ZYG11A: variants seen among roughly 807,000 people sequenced by gnomAD.
The protein encoded by ZYG11A is protein zyg-11 homolog A.
Under a neutral mutation model 77.2 loss-of-function variants are expected in ZYG11A, and 62 were observed. That is an observed-to-expected ratio of 0.80 (90% CI 0.65 to 0.99). ZYG11A has a LOEUF of 0.99. ZYG11A is among the 50% of genes least tolerant of loss of function. The pLI is 0.00. For synonymous variants in ZYG11A, 315 were observed against 324.6 expected, an observed-to-expected ratio of 0.97 and a Z score of 0.32; for missense variants, 828 against 896.8, an observed-to-expected ratio of 0.92 and a Z score of 0.98.
chr1:52,870,137 T>C (rs12745687), intron 8 of ZYG11A, among the ~76,000 whole-genome samples: 2 of 140,258 alleles, frequency 1.4e-5, no homozygotes, highest in South Asian at 2.4e-4. Context: ...TCCCCACATC[T>C]CAGACGATGG....
Position 52,885,768 on chromosome 1 carries a change from G to A in ZYG11A, c.1945-65G>A, listed in dbSNP as rs2150021426. 2.4e-6 allele frequency: 3 copies of A among 1,272,818 alleles called. No individual in the cohort carries two copies. In the South Asian group the frequency reaches 4.2e-5, roughly 18 times the overall value. The allele number at this position is 1,272,818 out of a possible 1,614,324, so 78.8% of individuals were successfully genotyped here. ...ATTTGTTCAATCGTTCCCAGATTTT[G>A]AAACATTTTGTTGTAAATGATGGAT... is the stretch of plus-strand genomic sequence containing the variant. On this transcript the variant is annotated intron_variant, in intron 11 of 13. Coordinates refer to ENST00000371528, the MANE Select transcript of ZYG11A (RefSeq NM_001004339.3).
chr1:52,867,355 G>C (rs1557442826), intron 6 of ZYG11A, among the ~76,000 whole-genome samples, 184 bp from the exon 7 acceptor site: 1 of 152,018 alleles, frequency 6.6e-6, no homozygotes, highest in Non-Finnish European at 1.5e-5. Context: ...GTTCTTATTT[G>C]CATACTCTCC....
At position 52,892,987 on chromosome 1, in the gene ZYG11A, T is replaced by C. The variant is rs577852187; in HGVS notation, c.*30T>C. 1 of 1,539,238 alleles carries C rather than the reference T, an allele frequency of 6.5e-7. No individual in the cohort carries two copies. The highest frequency in any genetic ancestry group is 1.2e-5 in the South Asian group (1 of 83,284). On this transcript the variant is annotated 3_prime_UTR_variant, in exon 14 of 14. Transcript: ENST00000371528. Reference sequence around the variant, plus strand: ...AAGGAATTTCAGAGGTGTGTGCTCTTCCTCAATGTCAGGTGTTCTGCCCTG... The same window carrying C: ...AAGGAATTTCAGAGGTGTGTGCTCTCCCTCAATGTCAGGTGTTCTGCCCTG...
At chr1:52,856,977 T>C (rs1488233457) in intron 2 of ZYG11A, 21 bp from the exon 3 acceptor site, 2 of 1,504,494 alleles carry the variant, frequency 1.3e-6, no homozygotes, top group Non-Finnish European at 1.8e-6. Context: ...TCATTACAAG[T>C]TGGTTCTGGT....
chr1:52,874,462 G>A (rs901657244), intron 8 of ZYG11A, among the ~76,000 whole-genome samples: 8 of 151,710 alleles, frequency 5.3e-5, no homozygotes, highest in African/African-American at 1.9e-4. Flanking sequence ...GTGTCACTCA[G>A]GTTGGTCTCG....
intron 1 of ZYG11A, among the ~76,000 whole-genome samples, chr1:52,847,470 G>T (rs1645612571): frequency 6.6e-6 from 1 of 151,220 alleles, no homozygotes; most frequent in Non-Finnish European, 1.5e-5. Context: ...AAAGTGCTAG[G>T]ATTACAGGCA....
chr1:52,880,130 C>G (rs1272768212), intron 10 of ZYG11A, among the ~76,000 whole-genome samples: 2 of 136,876 alleles, frequency 1.5e-5, no homozygotes, highest in Non-Finnish European at 3.1e-5. Flanking sequence ...AATCTTGGGA[C>G]TCACCTGTGG....
At chr1:52,861,260 C>T (rs558799623) in intron 4 of ZYG11A, among the ~76,000 whole-genome samples, 6 of 151,982 alleles carry the variant, frequency 3.9e-5, no homozygotes, top group Non-Finnish European at 5.9e-5. Flanking sequence ...GGGAAGGATG[C>T]GTTTTATTGT....
intron 2 of ZYG11A, among the ~76,000 whole-genome samples, 173 bp downstream of exon 2, chr1:52,854,803 C>T (rs990493185): frequency 2.6e-5 from 4 of 152,042 alleles, no homozygotes; most frequent in African/African-American, 9.7e-5. Flanking sequence ...TAGGCTAGCC[C>T]TGCTATTGAC....
intron 8 of ZYG11A, among the ~76,000 whole-genome samples, chr1:52,874,742 C>T (rs1646232756): frequency 6.6e-6 from 1 of 152,056 alleles, no homozygotes; most frequent in African/African-American, 2.4e-5. Flanking sequence ...TGGCACGAGC[C>T]TGTAATCTCA....
intron 8 of ZYG11A, among the ~76,000 whole-genome samples, chr1:52,876,087 A>AAAG (rs1329992074): frequency 6.6e-6 from 1 of 151,624 alleles, no homozygotes; most frequent in East Asian, 2.0e-4. Flanking sequence ...TCTCAATGAA[A>AAAG]AAGATGAAAT....
At chr1:52,874,411 A>G (rs1646226473) in intron 8 of ZYG11A, among the ~76,000 whole-genome samples, 1 of 151,270 alleles carries the variant, frequency 6.6e-6, no homozygotes, top group Admixed American at 6.6e-5. Flanking sequence ...CACCCAGATA[A>G]TTTTTTACAT....
intron 4 of ZYG11A, among the ~76,000 whole-genome samples, chr1:52,862,492 T>G (rs58045449): frequency 0.017 from 2,550 of 151,588 alleles, 80 homozygotes; most frequent in African/African-American, 0.057. Context: ...TTTGTATTTT[T>G]TAGTAGAGAT....
Position 52,893,348 on chromosome 1 carries a change from T to C in ZYG11A, c.*391T>C, listed in dbSNP as rs1255914733. ...GGGAGACTTTGATATTTATATTAAATTTCCTTTGTTGTTATCGTCATGTGA... is the reference window on the plus strand; with the variant it reads ...GGGAGACTTTGATATTTATATTAAACTTCCTTTGTTGTTATCGTCATGTGA... On this transcript the variant is annotated 3_prime_UTR_variant, in exon 14 of 14. Coordinates refer to ENST00000371528, the MANE Select transcript of ZYG11A (RefSeq NM_001004339.3). 1.8e-5 allele frequency: 3 copies of C among 163,140 alleles called. No homozygotes were observed. Among genetic ancestry groups the C allele is most frequent in the African/African-American group, 7.2e-5 (3 of 41,658 alleles). The allele number at this position is 163,140 out of a possible 1,614,324, so 10.1% of individuals were successfully genotyped here.
rs894779395 is a variant in ZYG11A at position 52,860,857 on chromosome 1, C to T, written c.1135C>T (p.Pro379Ser). 1.0e-5 allele frequency: 16 copies of T among 1,550,552 alleles called. No homozygotes were observed. The highest frequency in any genetic ancestry group is 1.4e-5 in the Non-Finnish European group (16 of 1,146,734). ...GACATTTTCAATGGAGGTAACCATG[C>T]CTGCTATTTTAAAGGTAATTGAAGG... ...TETFSMEVTM[P>S]AILKLVAIGM... The change falls in exon 4 of 14, where the codon CCT becomes TCT. Residue 379 changes from proline to serine, a missense_variant. Transcript: ENST00000371528.
At chr1:52,860,998 G>A in intron 4 of ZYG11A, 127 bp downstream of exon 4, 2 of 914,660 alleles carry the variant, frequency 2.2e-6, no homozygotes, top group Non-Finnish European at 3.2e-6. Context: ...CTCTCATAGA[G>A]CAAAGAATGT....
Position 52,877,984 on chromosome 1 carries a change from T to G in ZYG11A, c.1749+15T>G. The G allele has an allele frequency of 6.4e-7, 1 of 1,550,394 alleles. No individual in the cohort carries two copies. The highest frequency in any genetic ancestry group is 8.7e-7 in the Non-Finnish European group (1 of 1,146,502). On this transcript the variant is annotated intron_variant, in intron 10 of 13. Coordinates refer to ENST00000371528, the MANE Select transcript of ZYG11A (RefSeq NM_001004339.3). ...TTGGTCTTTTGGTAAGGTGAATTGT[T>G]TTGAATTAATTTTAATTGCTTAAAA...
intron 3 of ZYG11A, 140 bp from the exon 4 acceptor site, chr1:52,860,591 C>A (rs1228094138): frequency 1.1e-6 from 1 of 950,390 alleles, no homozygotes; most frequent in African/African-American, 1.7e-5. Context: ...GCCACTGCGC[C>A]TGGCCAACAC....
At chr1:52,859,793 T>C (rs1645892491) in intron 3 of ZYG11A, among the ~76,000 whole-genome samples, 1 of 147,476 alleles carries the variant, frequency 6.8e-6, no homozygotes, top group African/African-American at 2.5e-5. Context: ...TTCTCCTGGC[T>C]CAGCCTCCCT....
Sources: gnomAD v4.1 joint callset for allele counts (sites outside exome capture counted in the v4.1 genomes callset) on GRCh38, gnomAD v4.1.1 for gene constraint, MANE v1.5 for transcripts, NCBI Gene and HGNC (gene_info 2026-07-23, HGNC 2026-07-21) for gene names.